CALR: variants seen among roughly 807,000 people sequenced by gnomAD.
The protein encoded by CALR is calreticulin, also known as CRP55.
Under a neutral mutation model 51.1 loss-of-function variants are expected in CALR, and 15 were observed. The ratio of observed to expected loss-of-function variants is 0.29; its 90% CI spans 0.20 to 0.45. The LOEUF (loss-of-function observed/expected upper bound fraction) is 0.45. Ranked by LOEUF, CALR falls within the 20% of genes least tolerant of loss-of-function variation. The pLI is 1.00. For missense variants in CALR, 477 were observed against 530.6 expected (o/e 0.90, Z 0.99); for synonymous variants, 239 against 205.9 (o/e 1.16, Z -1.38).
Position 12,940,772 on chromosome 19 carries a change from A to G in CALR, c.845A>G (p.Asn282Ser). The G allele has an allele frequency of 1.2e-6, 2 of 1,614,084 alleles. No homozygotes were observed. The highest frequency in any genetic ancestry group is 1.1e-5 in the South Asian group (1 of 91,076). Residue 282 changes from asparagine to serine, a missense_variant, in exon 7 of 9, where the codon AAC (asparagine) becomes AGC (serine). Coordinates refer to ENST00000316448, the MANE Select transcript of CALR (RefSeq NM_004343.4). ...KGEWKPRQID[N>S]PDYKGTWIHP... Reference sequence around the variant, plus strand: ...GAGTGGAAGCCCCGGCAGATCGACAACCCAGATTACAAGGGCACTTGGATC... The same window carrying G: ...GAGTGGAAGCCCCGGCAGATCGACAGCCCAGATTACAAGGGCACTTGGATC...
chr19:12,938,655 C>T lies in CALR; in HGVS notation c.-25C>T, dbSNP rs765485261. The T allele has an allele frequency of 1.9e-6, 3 of 1,582,230 alleles. No homozygotes were observed. The highest frequency in any genetic ancestry group is 2.6e-6 in the Non-Finnish European group (3 of 1,159,712). On this transcript the variant is annotated 5_prime_UTR_variant, in exon 1 of 9. Transcript: ENST00000316448. ...CCGGAGGGTCGTTTTAAAGGGCCCGCGCGTTGCCGCCCCCTCGGCCCGCCA... is the reference window on the plus strand; with the variant it reads ...CCGGAGGGTCGTTTTAAAGGGCCCGTGCGTTGCCGCCCCCTCGGCCCGCCA...
rs779248628 is a variant in CALR at position 12,940,042 on chromosome 19, T to C, written c.398-11T>C. ...GTCTCTGACTCTTAACTGGATCTGC[T>C]TCACACCTAGGTCCCGACATCTGTG... On this transcript the variant is annotated splice_polypyrimidine_tract_variant and intron_variant, in intron 3 of 8. Transcript: ENST00000316448. 3.7e-6 allele frequency: 6 copies of C among 1,601,790 alleles called. No individual in the cohort carries two copies. The Admixed American group carries it at 6.7e-5, about 18-fold the overall frequency.
At chr19:12,941,008 A>G (rs948134148) in intron 7 of CALR, 121 bp downstream of exon 7, 1 of 914,696 alleles carries the variant, frequency 1.1e-6, no homozygotes, top group African/African-American at 1.6e-5. Context: ...ACTTCTTGTA[A>G]ACAGTACTTC....
In CALR at chr19:12,939,768, TGATCGCA is replaced by T. The variant is rs1179546951; in HGVS notation, c.397+142_397+148del. ...GTCCCAGCAACAATTTATTGCATTA[TGATCGCA>T]GATCTAGGCTGTTAATTTAATTTGC... On this transcript the variant is annotated intron_variant, in intron 3 of 8. Transcript: ENST00000316448. The T allele has an allele frequency of 1.0e-5, 8 of 801,298 alleles. No individual in the cohort carries two copies. The East Asian group carries it at 2.0e-4, about 20-fold the overall frequency. 49.6% of individuals were successfully genotyped at this position (801,298 alleles called of 1,614,324 possible). A position where few individuals can be genotyped will look rare whatever the true frequency, so the allele number is the denominator to read the frequency against.
rs929822208 is a variant in CALR at position 12,938,978 on chromosome 19, C to A, written c.92-156C>A. On this transcript the variant is annotated intron_variant, in intron 1 of 8. Coordinates refer to ENST00000316448, the MANE Select transcript of CALR (RefSeq NM_004343.4). ...CGGGAGTTAGGGTTAGCCCGAGGAT[C>A]TCTGAAGGCACCCGACGTGTCAAAC... 7.0e-6 allele frequency: 5 copies of A among 712,714 alleles called. No individual in the cohort carries two copies. In the African/African-American group the frequency reaches 7.0e-5, roughly 10 times the overall value. The allele number at this position is 712,714 out of a possible 1,614,324, so 44.1% of individuals were successfully genotyped here.
At position 12,944,362 on chromosome 19, in the gene CALR, A is replaced by C. The variant is rs1599663232; in HGVS notation, c.*449A>C. 2 of 241,292 alleles carry C rather than the reference A, an allele frequency of 8.3e-6. No homozygotes were observed. The highest frequency in any genetic ancestry group is 2.3e-5 in the African/African-American group (1 of 43,300). The allele number at this position is 241,292 out of a possible 1,614,324, so 14.9% of individuals were successfully genotyped here. A position where few individuals can be genotyped will look rare whatever the true frequency, so the allele number is the denominator to read the frequency against. ...GGAAGAACGGGGCTCTTCTCATTTC[A>C]CCCCTCCCTTTCTCCCCTGCCCCCA... On this transcript the variant is annotated 3_prime_UTR_variant, in exon 9 of 9. Transcript: ENST00000316448.
rs774405017 is a variant in CALR at position 12,938,718 on chromosome 19, C to T, written c.39C>T (p.Gly13=). The change falls in exon 1 of 9, where the codon GGC becomes GGT. Residue 13 remains glycine (G), a synonymous_variant. Coordinates refer to ENST00000316448, the MANE Select transcript of CALR (RefSeq NM_004343.4). ...LSVPLLLGLL[G]LAVAEPAVYF... Reference sequence around the variant, plus strand: ...TGCCGCTGCTGCTCGGCCTCCTCGGCCTGGCCGTCGCCGAGCCTGCCGTCT... The same window carrying T: ...TGCCGCTGCTGCTCGGCCTCCTCGGTCTGGCCGTCGCCGAGCCTGCCGTCT... The T allele has an allele frequency of 1.9e-6, 3 of 1,611,612 alleles. No homozygotes were observed. The highest frequency in any genetic ancestry group is 1.1e-5 in the South Asian group (1 of 90,940).
Position 12,939,242 on chromosome 19 carries a change from G to A in CALR, c.193+7G>A, listed in dbSNP as rs1451245896. 1.6e-5 allele frequency: 26 copies of A among 1,589,770 alleles called. No individual in the cohort carries two copies. Among genetic ancestry groups the A allele is most frequent in the East Asian group, 2.2e-5 (1 of 44,702 alleles). Reference sequence around the variant, plus strand: ...GACGAGGAGAAAGATAAAGGTAAGAGCCTAGGAGTGGGTGCTCAGATCCGG... The same window carrying A: ...GACGAGGAGAAAGATAAAGGTAAGAACCTAGGAGTGGGTGCTCAGATCCGG... On this transcript the variant is annotated splice_region_variant and intron_variant, in intron 2 of 8. Coordinates refer to ENST00000316448, the MANE Select transcript of CALR (RefSeq NM_004343.4).
chr19:12,939,273 C>T (rs770641146), intron 2 of CALR, 38 bp downstream of exon 2: 6 of 1,495,044 alleles, frequency 4.0e-6, no homozygotes, highest in African/African-American at 1.4e-5. Flanking sequence ...TCCGGGAGGA[C>T]TTCCTGGCAG....
Position 12,943,808 on chromosome 19 carries a change from G to C in CALR, c.1149G>C (p.Glu383Asp). 6.3e-7 allele frequency: 1 copy of C among 1,584,838 alleles called. No homozygotes were observed. The highest frequency in any genetic ancestry group is 1.3e-5 in the African/African-American group (1 of 74,446). Reference protein sequence around the residue: ...DKKRKEEEEAEDKEDDEDKDE... With the variant: ...DKKRKEEEEADDKEDDEDKDE... ...AACGCAAAGAGGAGGAGGAGGCAGA[G>C]GACAAGGAGGATGATGAGGACAAAG... Residue 383 changes from glutamate to aspartate, a missense_variant, in exon 9 of 9, where the codon GAG becomes GAC. Glu to Asp is a conservative substitution (Grantham distance 45). Transcript: ENST00000316448.
Position 12,940,555 on chromosome 19 carries a change from C to G in CALR, c.717C>G (p.Pro239=), listed in dbSNP as rs765487817. Residue 239 remains proline (P), a synonymous_variant, in exon 6 of 9, where the codon CCC becomes CCG. Coordinates refer to ENST00000316448, the MANE Select transcript of CALR (RefSeq NM_004343.4). ...CTACCCCCCAGGACTGGGACAAGCC[C>G]GAGCATATCCCTGACCCTGATGCTA... ...TDSKPEDWDK[P]EHIPDPDAKK... is the part of the protein sequence containing the mutation. 3 of 1,614,094 alleles carry G rather than the reference C, an allele frequency of 1.9e-6. No individual in the cohort carries two copies. Among genetic ancestry groups the G allele is most frequent in the Non-Finnish European group, 2.5e-6 (3 of 1,180,008 alleles).
intron 3 of CALR, 129 bp downstream of exon 3, chr19:12,939,760 T>A: frequency 3.6e-6 from 3 of 829,310 alleles, no homozygotes; most frequent in Non-Finnish European, 6.3e-6. Flanking sequence ...CAACAATTTA[T>A]TGCATTATGA....
In CALR at chr19:12,944,343, ACGGGG is replaced by A. The variant is rs950398308; in HGVS notation, c.*432_*436del. 34 of 280,442 alleles carry A rather than the reference ACGGGG, an allele frequency of 1.2e-4. No individual in the cohort carries two copies. Among genetic ancestry groups the A allele is most frequent in the African/African-American group, 6.7e-4 (31 of 45,966 alleles). The allele number at this position is 280,442 out of a possible 1,614,324, so 17.4% of individuals were successfully genotyped here. ...TCCAACCCCCCAGCACTGAGGAAGA[ACGGGG>A]CTCTTCTCATTTCACCCCTCCCTTT... On this transcript the variant is annotated 3_prime_UTR_variant, in exon 9 of 9. Coordinates refer to ENST00000316448, the MANE Select transcript of CALR (RefSeq NM_004343.4).
chr19:12,938,865 C>A, intron 1 of CALR, 95 bp downstream of exon 1: 2 of 998,378 alleles, frequency 2.0e-6, no homozygotes, highest in Non-Finnish European at 3.1e-6. Context: ...TTTAGAGGTC[C>A]AACACGGTGG....
At position 12,940,818 on chromosome 19, in the gene CALR, C is replaced by G; in HGVS notation, c.891C>G (p.Pro297=). The change falls in exon 7 of 9, where the codon CCC becomes CCG. Residue 297 remains proline, a synonymous_variant. Coordinates refer to ENST00000316448, the MANE Select transcript of CALR (RefSeq NM_004343.4). The part of the protein sequence containing the change: ...GTWIHPEIDN[P]EYSPDPSIYA... Reference sequence around the variant, plus strand: ...GGATCCACCCAGAAATTGACAACCCCGAGTATTCTCCCGATCCCAGTATCT... The same window carrying G: ...GGATCCACCCAGAAATTGACAACCCGGAGTATTCTCCCGATCCCAGTATCT... The G allele has an allele frequency of 6.2e-7, 1 of 1,614,098 alleles. No individual in the cohort carries two copies. Among genetic ancestry groups the G allele is most frequent in the South Asian group, 1.1e-5 (1 of 91,076 alleles).
At chr19:12,939,099 G>A in intron 1 of CALR, 35 bp from the exon 2 acceptor site, 1 of 1,279,566 alleles carries the variant, frequency 7.8e-7, no homozygotes, top group Non-Finnish European at 1.1e-6. Context: ...GATTAGCACA[G>A]CCGCTCTGAC....
At chr19:12,939,358 C>T (rs998837499) in intron 2 of CALR, 70 bp from the exon 3 acceptor site, 1 of 1,525,570 alleles carries the variant, frequency 6.6e-7, no homozygotes, top group Non-Finnish European at 9.1e-7. Context: ...GGGGAGTCTT[C>T]TCTATTCTCT....
intron 1 of CALR, 71 bp downstream of exon 1, chr19:12,938,841 G>T: frequency 8.4e-7 from 1 of 1,186,724 alleles, no homozygotes; most frequent in South Asian, 1.3e-5. Context: ...CTGCGTTGTC[G>T]CCCGTAATTA....
chr19:12,943,425 C>T, intron 7 of CALR, 112 bp from the exon 8 acceptor site: 1 of 923,262 alleles, frequency 1.1e-6, no homozygotes, highest in Admixed American at 1.9e-5. Context: ...CTTGTCTTCT[C>T]TGCAGATGCA....
Sources: allele counts gnomAD v4.1 joint callset, GRCh38; gene constraint gnomAD v4.1.1; transcripts MANE v1.5; gene names NCBI Gene and HGNC (gene_info 2026-07-23, HGNC 2026-07-21).